The following PTPRG variants were observed in gnomAD, a reference collection of about 807,000 sequenced individuals.
The protein encoded by PTPRG is receptor-type tyrosine-protein phosphatase gamma.
Under a neutral mutation model 165.3 loss-of-function variants are expected in PTPRG, and 102 were observed. That is an observed-to-expected ratio of 0.62 (90% CI 0.53 to 0.73). PTPRG has a LOEUF of 0.73. Among genes scored for constraint, PTPRG ranks in the 30% least tolerant of loss-of-function variants. PTPRG has a pLI of 0.00. For synonymous variants in PTPRG, 675 were observed against 669.5 expected, an observed-to-expected ratio of 1.01 and a Z score of -0.13; for missense variants, 1,866 against 1,861.4, an observed-to-expected ratio of 1.00 and a Z score of -0.05.
chr3:61,651,056 A>G (rs1314495531), intron 1 of PTPRG, among the ~76,000 whole-genome samples: 1 of 151,542 alleles, frequency 6.6e-6, no homozygotes, highest in Admixed American at 6.6e-5. Context: ...GTATGTTTAT[A>G]TTTTTTTCCT....
intron 1 of PTPRG, among the ~76,000 whole-genome samples, chr3:61,748,238 C>G (rs942940832): frequency 6.6e-6 from 1 of 152,138 alleles, no homozygotes; most frequent in Non-Finnish European, 1.5e-5. Flanking sequence ...AAGGAGTCTC[C>G]TAGGTTTCAG....
intron 2 of PTPRG, among the ~76,000 whole-genome samples, chr3:61,956,275 GTCTCTCTCTC>G (rs199816889): frequency 1.9e-3 from 234 of 122,362 alleles, no homozygotes; most frequent in Non-Finnish European, 3.4e-3. Context: ...CGTGCACGCT[GTCTCTCTCTC>G]TCTCTCTCTC....
intron 11 of PTPRG, among the ~76,000 whole-genome samples, chr3:62,202,967 T>C (rs901682441): frequency 1.3e-5 from 2 of 152,180 alleles, no homozygotes; most frequent in African/African-American, 4.8e-5. Context: ...ATGTTCACAA[T>C]TATAAAACCA....
chr3:61,891,149 C>G (rs1053236832), intron 2 of PTPRG, among the ~76,000 whole-genome samples: 8 of 151,966 alleles, frequency 5.3e-5, no homozygotes, highest in Non-Finnish European at 8.8e-5. Flanking sequence ...AAAACCCCAT[C>G]TCTACTAAAA....
chr3:62,148,300 G>C (rs1331032246), intron 6 of PTPRG, among the ~76,000 whole-genome samples: 2 of 152,182 alleles, frequency 1.3e-5, no homozygotes, highest in East Asian at 3.9e-4. Flanking sequence ...TGAGGAGGCA[G>C]GTAGGTGGTC....
intron 3 of PTPRG, 143 bp from the exon 4 acceptor site, chr3:62,003,206 G>A: frequency 1.1e-6 from 1 of 887,794 alleles, no homozygotes; most frequent in South Asian, 1.8e-5. Context: ...ATTCAGGCGG[G>A]TGTGTTCAAC....
intron 2 of PTPRG, among the ~76,000 whole-genome samples, chr3:61,959,791 G>A (rs2040109847): frequency 6.6e-6 from 1 of 152,176 alleles, no homozygotes; most frequent in African/African-American, 2.4e-5. Flanking sequence ...TGCTTGATCA[G>A]TGTCCCTGCC....
chr3:61,859,210 A>C (rs1461882083), intron 2 of PTPRG, among the ~76,000 whole-genome samples: 1 of 152,200 alleles, frequency 6.6e-6, no homozygotes, highest in Non-Finnish European at 1.5e-5. Flanking sequence ...GGGGTTCTTT[A>C]TAATGAGAAT....
rs1485611136 is a variant in PTPRG at position 61,948,285 on chromosome 3, A to G, written c.191-41340A>G. Reference sequence around the variant, plus strand: ...GGTTGCAGTGAGCCGAGATCGCTCCATTGCATTCCAGCCTGGGCAACAAGA... The same window carrying G: ...GGTTGCAGTGAGCCGAGATCGCTCCGTTGCATTCCAGCCTGGGCAACAAGA... On this transcript the variant is annotated intron_variant, in intron 2 of 29. Coordinates refer to ENST00000474889, the MANE Select transcript of PTPRG (RefSeq NM_002841.4). 4.6e-5 allele frequency among the ~76,000 whole-genome samples: 7 copies of G among 152,122 alleles called. No individual in the cohort carries two copies. The East Asian group carries it at 1.2e-3, about 25-fold the overall frequency.
chr3:61,675,681 T>G (rs1426271199), intron 1 of PTPRG, among the ~76,000 whole-genome samples: 1 of 152,202 alleles, frequency 6.6e-6, no homozygotes, highest in Non-Finnish European at 1.5e-5. Context: ...GGCTTCTAAA[T>G]AACCAAGGGG....
chr3:62,267,493 G>T lies in PTPRG; in HGVS notation c.2739+1G>T. On this transcript the variant is annotated splice_donor_variant, in intron 18 of 29. Coordinates refer to ENST00000474889, the MANE Select transcript of PTPRG (RefSeq NM_002841.4). LOFTEE classifies it high-confidence loss of function. Reference sequence around the variant, plus strand: ...CTACATTAATGCAAACTATGTTGATGTAAGTCAGAACTGTTATTATAAACC... The same window carrying T: ...CTACATTAATGCAAACTATGTTGATTTAAGTCAGAACTGTTATTATAAACC... 1 of 1,605,564 alleles carries T rather than the reference G, an allele frequency of 6.2e-7. No homozygotes were observed. Among genetic ancestry groups the T allele is most frequent in the East Asian group, 2.2e-5 (1 of 44,814 alleles).
At chr3:62,277,413 C>T in intron 25 of PTPRG, 138 bp from the exon 26 acceptor site, 1 of 985,168 alleles carries the variant, frequency 1.0e-6, no homozygotes, top group Non-Finnish European at 1.5e-6. Context: ...AAAAATTAGC[C>T]AAATGTACCG....
intron 1 of PTPRG, among the ~76,000 whole-genome samples, chr3:61,716,245 A>C (rs1297435885): frequency 1.3e-5 from 2 of 152,164 alleles, no homozygotes; most frequent in African/African-American, 4.8e-5. Flanking sequence ...TCTTCCTCTG[A>C]AGTGCTATTT....
intron 29 of PTPRG, chr3:62,292,832 G>A (rs1278747829): frequency 1.5e-5 from 7 of 475,626 alleles, no homozygotes; most frequent in Non-Finnish European, 2.6e-5. Context: ...GAGAAGCCCT[G>A]CTTTAGAGGA....
At chr3:61,800,941 G>T (rs148488494) in intron 2 of PTPRG, among the ~76,000 whole-genome samples, 15 of 152,062 alleles carry the variant, frequency 9.9e-5, no homozygotes, top group Non-Finnish European at 1.9e-4. Context: ...CACCATGTCC[G>T]GCCAGAACTC....
intron 1 of PTPRG, among the ~76,000 whole-genome samples, chr3:61,613,686 A>ATAACCATTGAATTGAATTG (rs1701234448): frequency 6.6e-6 from 1 of 152,182 alleles, no homozygotes; most frequent in African/African-American, 2.4e-5. Flanking sequence ...ATGGTTATAT[A>ATAACCATTGAATTGAATTG]AATTGAAGAT....
intron 10 of PTPRG, among the ~76,000 whole-genome samples, chr3:62,196,737 T>C (rs1378935807): frequency 2.0e-5 from 3 of 152,192 alleles, no homozygotes; most frequent in African/African-American, 2.4e-5. Flanking sequence ...GGAAAACTTA[T>C]CTGTCAAATA....
At chr3:61,822,519 A>T (rs2035984266) in intron 2 of PTPRG, among the ~76,000 whole-genome samples, 1 of 152,238 alleles carries the variant, frequency 6.6e-6, no homozygotes. Context: ...GTAGAAAAGG[A>T]AAGAAAAAAA....
chr3:61,584,629 A>G (rs900555308), intron 1 of PTPRG, among the ~76,000 whole-genome samples: 1 of 144,414 alleles, frequency 6.9e-6, no homozygotes, highest in East Asian at 2.0e-4. Context: ...TTAATTTTTC[A>G]TTGTACGAGT....
Sources: gnomAD v4.1 joint callset for allele counts (sites outside exome capture counted in the v4.1 genomes callset) on GRCh38, gnomAD v4.1.1 for gene constraint, MANE v1.5 for transcripts, NCBI Gene and HGNC (gene_info 2026-07-23, HGNC 2026-07-21) for gene names.